ARNT2: variants seen among roughly 807,000 people sequenced by gnomAD.
ARNT2 encodes the protein aryl hydrocarbon receptor nuclear translocator 2, also known as ARNT protein 2.
A neutral mutation model predicts 91.7 loss-of-function variants in ARNT2; 36 were observed. The observed-to-expected ratio is 0.39, with a 90% CI of 0.30 to 0.52. ARNT2 has a LOEUF of 0.52. Among genes scored for constraint, ARNT2 ranks in the 20% least tolerant of loss-of-function variants. The pLI is 0.72. For missense variants in ARNT2, 775 were observed against 939.3 expected, an observed-to-expected ratio of 0.83 and a Z score of 2.29; for synonymous variants, 365 against 347.1, an observed-to-expected ratio of 1.05 and a Z score of -0.57.
At chr15:80,569,608 T>G (rs1567004483) in intron 12 of ARNT2, among the ~76,000 whole-genome samples, 1 of 152,130 alleles carries the variant, frequency 6.6e-6, no homozygotes, top group Admixed American at 6.5e-5. Context: ...GCCAGAGCAG[T>G]TAGGGTCCTG....
At chr15:80,574,731 T>C (rs1898639232) in intron 13 of ARNT2, among the ~76,000 whole-genome samples, 1 of 152,204 alleles carries the variant, frequency 6.6e-6, no homozygotes, top group Admixed American at 6.5e-5. Context: ...CATTTCTCAC[T>C]CTCTCTAAGA....
At chr15:80,423,743 T>A (rs974882417) in intron 1 of ARNT2, among the ~76,000 whole-genome samples, 6 of 148,126 alleles carry the variant, frequency 4.1e-5, no homozygotes, top group African/African-American at 1.5e-4. Flanking sequence ...GATGATATTT[T>A]GTGTGTGTGT....
At chr15:80,481,969 A>T (rs1896898502) in intron 5 of ARNT2, among the ~76,000 whole-genome samples, 1 of 152,166 alleles carries the variant, frequency 6.6e-6, no homozygotes, top group Admixed American at 6.5e-5. Context: ...TAGCACAGTC[A>T]TAGCTTGCTG....
intron 3 of ARNT2, among the ~76,000 whole-genome samples, chr15:80,467,558 C>CGG (rs1168142004): frequency 6.6e-6 from 1 of 152,150 alleles, no homozygotes; most frequent in Non-Finnish European, 1.5e-5. Context: ...GGGTGTCTGG[C>CGG]GGGCAAGTGC....
At chr15:80,544,588 A>G (rs981426423) in intron 8 of ARNT2, among the ~76,000 whole-genome samples, 1 of 152,158 alleles carries the variant, frequency 6.6e-6, no homozygotes, top group African/African-American at 2.4e-5. Flanking sequence ...TGCTCTGGTT[A>G]TGGGGAACTG....
intron 1 of ARNT2, 88 bp from the exon 2 acceptor site, chr15:80,450,791 TG>T: frequency 1.6e-6 from 2 of 1,284,612 alleles, no homozygotes; most frequent in Non-Finnish European, 2.3e-6. Flanking sequence ...TCTGCGCAGG[TG>T]GTGCTTCTGG....
intron 6 of ARNT2, among the ~76,000 whole-genome samples, chr15:80,511,459 G>C (rs1897340055): frequency 6.6e-6 from 1 of 151,812 alleles, no homozygotes; most frequent in Non-Finnish European, 1.5e-5. Context: ...GAAATAATCT[G>C]TACAACAAAG....
At chr15:80,529,880 A>T (rs1897706874) in intron 8 of ARNT2, among the ~76,000 whole-genome samples, 1 of 152,246 alleles carries the variant, frequency 6.6e-6, no homozygotes, top group South Asian at 2.1e-4. Context: ...TTTTCTTAAA[A>T]ATTTGACAAG....
In ARNT2 at chr15:80,475,109, G is replaced by A. The variant is rs1829568481; in HGVS notation, c.508G>A (p.Val170Ile). The A allele has an allele frequency of 1.9e-6, 3 of 1,614,100 alleles. No individual in the cohort carries two copies. In the African/African-American group the frequency reaches 4.0e-5, roughly 22 times the overall value. Residue 170 changes from valine to isoleucine, a missense_variant, in exon 5 of 19, where the codon GTT (valine) becomes ATT (isoleucine). This residue lies in a region of ARNT2 where 285 missense variants were observed against 327.2 expected (regional missense o/e 0.87). Transcript: ENST00000303329. ...TTATGTGTCTGACTCCGTCACCCCT[G>A]TTCTGAACCAGCCCCAGTCAGAGTG... ...VIYVSDSVTP[V>I]LNQPQSEWFG...
chr15:80,469,615 T>C (rs1439563034), intron 3 of ARNT2, among the ~76,000 whole-genome samples: 3 of 151,746 alleles, frequency 2.0e-5, no homozygotes, highest in Non-Finnish European at 2.9e-5. Flanking sequence ...CATTTGTGTG[T>C]GTGTGCACGT....
At chr15:80,581,110 C>A in intron 16 of ARNT2, 129 bp from the exon 17 acceptor site, 2 of 1,153,282 alleles carry the variant, frequency 1.7e-6, no homozygotes, top group Non-Finnish European at 1.3e-6. Context: ...CCTAGCCAGA[C>A]AAGAGGGTCA....
At chr15:80,515,174 T>C (rs113654119) in intron 8 of ARNT2, among the ~76,000 whole-genome samples, 1,942 of 152,292 alleles carry the variant, frequency 0.013, 31 homozygotes, top group African/African-American at 0.045. Flanking sequence ...GAATATAAAA[T>C]AGCATAGCCA....
intron 1 of ARNT2, among the ~76,000 whole-genome samples, chr15:80,420,049 C>T (rs137928705): frequency 1.0e-3 from 152 of 152,232 alleles, no homozygotes; most frequent in African/African-American, 3.3e-3. Context: ...ACCAGCCATC[C>T]ACGTATGTCT....
At chr15:80,468,921 G>A (rs779155369) in intron 3 of ARNT2, among the ~76,000 whole-genome samples, 4 of 152,168 alleles carry the variant, frequency 2.6e-5, no homozygotes, top group Admixed American at 2.0e-4. Context: ...CCCTCAGCAC[G>A]TGCTACTTGG....
chr15:80,505,778 A>G (rs1465326840), intron 5 of ARNT2, among the ~76,000 whole-genome samples: 2 of 152,156 alleles, frequency 1.3e-5, no homozygotes, highest in Admixed American at 6.5e-5. Flanking sequence ...GACTGTGGAG[A>G]AAGGGCAGCT....
At chr15:80,573,932 T>G in intron 12 of ARNT2, 1 of 549,658 alleles carries the variant, frequency 1.8e-6, no homozygotes, top group Non-Finnish European at 3.2e-6. Flanking sequence ...CAAAATTGGT[T>G]TCTTAAATAG....
intron 8 of ARNT2, among the ~76,000 whole-genome samples, chr15:80,530,511 G>A (rs948632318): frequency 2.6e-5 from 4 of 152,092 alleles, no homozygotes; most frequent in East Asian, 1.9e-4. Flanking sequence ...AGGCTTTGTC[G>A]ACTCTTCCCT....
At chr15:80,509,113 C>T (rs1432688742) in intron 6 of ARNT2, among the ~76,000 whole-genome samples, 1 of 152,136 alleles carries the variant, frequency 6.6e-6, no homozygotes, top group Non-Finnish European at 1.5e-5. Context: ...ACCTGTGCCA[C>T]GTGCTCTTCA....
chr15:80,519,304 T>G (rs1274709589), intron 8 of ARNT2, among the ~76,000 whole-genome samples: 3 of 152,110 alleles, frequency 2.0e-5, no homozygotes, highest in African/African-American at 7.2e-5. Context: ...AAAGGGTGGA[T>G]ATGGGGGGAA....
Sources: gnomAD v4.1 joint callset for allele counts (sites outside exome capture counted in the v4.1 genomes callset) on GRCh38, gnomAD v4.1.1 for gene constraint, gnomAD v4.1.1 regional missense constraint, MANE v1.5 for transcripts, NCBI Gene and HGNC (gene_info 2026-07-23, HGNC 2026-07-21) for gene names.